SHC3: variants seen among roughly 807,000 people sequenced by gnomAD.
SHC3 encodes the protein SHC adaptor protein 3.
Under a neutral mutation model 60.4 loss-of-function variants are expected in SHC3, and 15 were observed. The observed-to-expected ratio is 0.25, with a 90% CI of 0.17 to 0.38. SHC3 has a LOEUF of 0.38. SHC3 is among the 10% of genes least tolerant of loss of function. The pLI is 1.00. For synonymous variants in SHC3, 294 were observed against 325.9 expected, an observed-to-expected ratio of 0.90 and a Z score of 1.05; for missense variants, 677 against 786.1, an observed-to-expected ratio of 0.86 and a Z score of 1.66.
intron 6 of SHC3, among the ~76,000 whole-genome samples, chr9:89,064,748 G>A (rs1394995870): frequency 6.6e-6 from 1 of 152,126 alleles, no homozygotes; most frequent in Admixed American, 6.5e-5. Flanking sequence ...GGGTAAGGTA[G>A]CAAAACAGAA....
In SHC3 at chr9:89,049,484, T is replaced by C. The variant is rs1403005801; in HGVS notation, c.963-2490A>G. ...TTAAACTAACTCCCTCCATTCATTT[T>C]TGTGTGTATTATCTTAATAGCATTT... On this transcript the variant is annotated intron_variant, in intron 7 of 11. Coordinates refer to ENST00000375835, the MANE Select transcript of SHC3 (RefSeq NM_016848.6). Among the ~76,000 whole-genome samples, 3 of 152,374 alleles carry C rather than the reference T, an allele frequency of 2.0e-5. No homozygotes were observed. The East Asian group carries it at 5.8e-4, about 29-fold the overall frequency.
intron 1 of SHC3, among the ~76,000 whole-genome samples, chr9:89,165,463 T>C (rs1826772945): frequency 8.2e-6 from 1 of 122,246 alleles, no homozygotes; most frequent in Non-Finnish European, 1.7e-5. Context: ...TCTAATTTAA[T>C]AAGAAAAGTA....
chr9:89,059,170 GTGGTGTAGGACA>G (rs1825016658), intron 6 of SHC3, among the ~76,000 whole-genome samples: 2 of 138,200 alleles, frequency 1.4e-5, no homozygotes. Context: ...GTGGAGGACC[GTGGTGTAGGACA>G]TGGTGGAGGA....
chr9:89,081,504 G>A (rs1825444003), intron 2 of SHC3, among the ~76,000 whole-genome samples: 1 of 149,484 alleles, frequency 6.7e-6, no homozygotes, highest in Non-Finnish European at 1.5e-5. Context: ...TGAGAACCCT[G>A]AGACTCTAAA....
intron 7 of SHC3, among the ~76,000 whole-genome samples, chr9:89,048,125 T>C (rs904425006): frequency 6.6e-6 from 1 of 151,870 alleles, no homozygotes; most frequent in African/African-American, 2.4e-5. Context: ...ACACCTGTAG[T>C]TCCAGCTACT....
rs541226279 is a variant in SHC3, at chr9:89,168,565, A to G, written c.474+9422T>C. ...TGATCATTCCTTATCCCATATTTCC[A>G]TATTGTTAAGAAATAGAAATCCCTA... On this transcript the variant is annotated intron_variant, in intron 1 of 11. Transcript: ENST00000375835. Among the ~76,000 whole-genome samples, 14 of 152,240 alleles carry G rather than the reference A, an allele frequency of 9.2e-5. No individual in the cohort carries two copies. In the South Asian group the frequency reaches 2.7e-3, roughly 29 times the overall value.
chr9:89,131,610 A>G (rs889879776), intron 1 of SHC3, among the ~76,000 whole-genome samples: 2 of 152,226 alleles, frequency 1.3e-5, no homozygotes, highest in African/African-American at 2.4e-5. Context: ...CAACATACGC[A>G]AATCAATAAA....
chr9:89,156,569 C>T (rs930626584), intron 1 of SHC3, among the ~76,000 whole-genome samples: 1 of 151,306 alleles, frequency 6.6e-6, no homozygotes, highest in Admixed American at 6.6e-5. Context: ...ACCACAACAA[C>T]AAAAAAAAAC....
chr9:89,171,859 C>G (rs533767218), intron 1 of SHC3, among the ~76,000 whole-genome samples: 2 of 152,340 alleles, frequency 1.3e-5, no homozygotes, highest in African/African-American at 4.8e-5. Flanking sequence ...GCAGTGGTAT[C>G]TGCCAGACCA....
At chr9:89,159,136 C>T (rs940454625) in intron 1 of SHC3, among the ~76,000 whole-genome samples, 2 of 150,882 alleles carry the variant, frequency 1.3e-5, no homozygotes, top group African/African-American at 5.0e-5. Flanking sequence ...GAAAGCTCTA[C>T]CATCTTTTCT....
At chr9:89,153,334 A>G (rs934044055) in intron 1 of SHC3, among the ~76,000 whole-genome samples, 1 of 152,142 alleles carries the variant, frequency 6.6e-6, no homozygotes, top group Non-Finnish European at 1.5e-5. Flanking sequence ...CTGATGCCCT[A>G]CTTATAAGGC....
intron 1 of SHC3, among the ~76,000 whole-genome samples, chr9:89,166,859 A>G (rs1021182998): frequency 6.6e-6 from 1 of 152,114 alleles, no homozygotes; most frequent in African/African-American, 2.4e-5. Flanking sequence ...GGCGAAGGTA[A>G]TAAGTACTAA....
At chr9:89,088,242 T>A (rs1113804) in intron 2 of SHC3, among the ~76,000 whole-genome samples, 1 of 152,132 alleles carries the variant, frequency 6.6e-6, no homozygotes, top group Non-Finnish European at 1.5e-5. Flanking sequence ...AGATAATAAC[T>A]CTTTCAACCA....
intron 2 of SHC3, among the ~76,000 whole-genome samples, chr9:89,099,449 G>T (rs556273289): frequency 6.6e-6 from 1 of 152,318 alleles, no homozygotes; most frequent in Non-Finnish European, 1.5e-5. Flanking sequence ...GAGCCATCAA[G>T]AATGTAGGTG....
At chr9:89,051,516 G>C (rs1172597182) in intron 7 of SHC3, among the ~76,000 whole-genome samples, 5 of 152,164 alleles carry the variant, frequency 3.3e-5, no homozygotes, top group African/African-American at 1.2e-4. Context: ...GAGACTCAAG[G>C]AGTTTACAGA....
chr9:89,112,046 T>C (rs987167309), intron 2 of SHC3, among the ~76,000 whole-genome samples: 5 of 152,192 alleles, frequency 3.3e-5, no homozygotes, highest in Non-Finnish European at 5.9e-5. Context: ...TTCTACTTGG[T>C]GGTGGAGAAT....
intron 9 of SHC3, among the ~76,000 whole-genome samples, chr9:89,042,629 A>C (rs1824706170): frequency 6.6e-6 from 1 of 152,170 alleles, no homozygotes; most frequent in Non-Finnish European, 1.5e-5. Flanking sequence ...AACTTCATTC[A>C]AGCAATACAA....
At chr9:89,028,547 C>A in intron 11 of SHC3, among the ~76,000 whole-genome samples, 1 of 123,660 alleles carries the variant, frequency 8.1e-6, no homozygotes, top group South Asian at 2.7e-4. Context: ...TAGATTATAT[C>A]TAGATATATA....
At chr9:89,072,411 G>A (rs767290400) in intron 4 of SHC3, among the ~76,000 whole-genome samples, 1 of 152,094 alleles carries the variant, frequency 6.6e-6, no homozygotes, top group Non-Finnish European at 1.5e-5. Flanking sequence ...AGAACTCACA[G>A]CTAGAATGGG....
Sources: gnomAD v4.1 joint callset for allele counts (sites outside exome capture counted in the v4.1 genomes callset) on GRCh38, gnomAD v4.1.1 for gene constraint, MANE v1.5 for transcripts, NCBI Gene and HGNC (gene_info 2026-07-23, HGNC 2026-07-21) for gene names.